Variants in SUGCT observed in about 807,000 individuals in gnomAD.
SUGCT encodes the protein succinyl-CoA:glutarate CoA-transferase.
Under a neutral mutation model 55.0 loss-of-function variants are expected in SUGCT, and 41 were observed. The observed-to-expected ratio is 0.74, with a 90% CI of 0.58 to 0.97. SUGCT has a LOEUF of 0.97. Among genes scored for constraint, SUGCT ranks in the 50% least tolerant of loss-of-function variants. The pLI is 0.00. For synonymous variants in SUGCT, 187 were observed against 200.4 expected, an observed-to-expected ratio of 0.93 and a Z score of 0.56; for missense variants, 568 against 547.8, an observed-to-expected ratio of 1.04 and a Z score of -0.37.
intron 7 of SUGCT, among the ~76,000 whole-genome samples, chr7:40,242,946 T>TA (rs1789550231): frequency 1.2e-5 from 1 of 84,536 alleles, no homozygotes. Context: ...TTTTTTTTTT[T>TA]TTTTTTTTTT....
chr7:40,484,134 G>A (rs1791204325), intron 11 of SUGCT, among the ~76,000 whole-genome samples: 1 of 152,180 alleles, frequency 6.6e-6, no homozygotes, highest in East Asian at 1.9e-4. Context: ...AAGATTAAAT[G>A]TCAGACTTAT....
At chr7:40,928,188 C>T in the SUGCT span, among the ~76,000 whole-genome samples, 39 of 151,860 alleles carry the variant, frequency 2.6e-4, no homozygotes, top group South Asian at 3.3e-3. Flanking sequence ...GTACATTTTC[C>T]CTATAAAAAC....
chr7:40,349,990 T>C (rs965130142), intron 9 of SUGCT, among the ~76,000 whole-genome samples: 1 of 152,176 alleles, frequency 6.6e-6, no homozygotes, highest in African/African-American at 2.4e-5. Flanking sequence ...ACCCAGCTTT[T>C]CCTATATTTT....
intron 11 of SUGCT, among the ~76,000 whole-genome samples, chr7:40,474,795 C>T (rs997527835): frequency 9.9e-5 from 15 of 152,170 alleles, no homozygotes; most frequent in African/African-American, 3.6e-4. Flanking sequence ...AGTTATGTGA[C>T]TTCTGTGTTT....
chr7:41,001,586 T>A, the SUGCT span, among the ~76,000 whole-genome samples: 1 of 152,122 alleles, frequency 6.6e-6, no homozygotes, highest in African/African-American at 2.4e-5. Flanking sequence ...AAGTCCAACA[T>A]CAGGATGCTG....
At chr7:40,157,571 C>T (rs1040430062) in intron 1 of SUGCT, among the ~76,000 whole-genome samples, 2 of 152,180 alleles carry the variant, frequency 1.3e-5, no homozygotes, top group African/African-American at 4.8e-5. Context: ...ATGTAAAATA[C>T]TTCTTAGGAG....
intron 11 of SUGCT, among the ~76,000 whole-genome samples, chr7:40,478,239 C>A (rs183783072): frequency 1.4e-4 from 21 of 152,222 alleles, no homozygotes; most frequent in African/African-American, 4.8e-4. Context: ...CTCCTGGCCT[C>A]AAGTGATCTT....
intron 6 of SUGCT, among the ~76,000 whole-genome samples, chr7:40,200,023 A>G (rs796207087): frequency 1.2e-4 from 19 of 152,314 alleles, no homozygotes; most frequent in African/African-American, 4.3e-4. Flanking sequence ...GGAAGAGAGA[A>G]CCACAGAATT....
At chr7:40,333,015 T>C (rs1476265252) in intron 9 of SUGCT, among the ~76,000 whole-genome samples, 3 of 152,188 alleles carry the variant, frequency 2.0e-5, no homozygotes, top group Non-Finnish European at 2.9e-5. Flanking sequence ...CAAGTATTTA[T>C]ATGCATATTA....
intron 12 of SUGCT, among the ~76,000 whole-genome samples, chr7:40,584,465 T>C (rs995751190): frequency 4.6e-5 from 7 of 152,152 alleles, no homozygotes; most frequent in African/African-American, 1.7e-4. Flanking sequence ...AGAAGTGAAG[T>C]TGGAAAATCC....
At chr7:40,932,010 A>G in the SUGCT span, among the ~76,000 whole-genome samples, 14 of 151,862 alleles carry the variant, frequency 9.2e-5, no homozygotes, top group Non-Finnish European at 2.1e-4. Context: ...TTTTCATTGT[A>G]ATGTTAGGAT....
At chr7:40,575,762 A>G (rs1329316861) in intron 12 of SUGCT, among the ~76,000 whole-genome samples, 3 of 151,958 alleles carry the variant, frequency 2.0e-5, no homozygotes, top group Non-Finnish European at 4.4e-5. Context: ...CCTGGCCAAC[A>G]TAGTGAAACC....
chr7:40,693,394 C>T (rs190550395), intron 12 of SUGCT, among the ~76,000 whole-genome samples: 9 of 152,278 alleles, frequency 5.9e-5, no homozygotes, highest in Admixed American at 4.6e-4. Context: ...GGTGCTATTC[C>T]AAATGCTTTA....
chr7:40,624,770 CAA>C (rs1799437685), intron 12 of SUGCT, among the ~76,000 whole-genome samples: 2 of 83,992 alleles, frequency 2.4e-5, no homozygotes, highest in South Asian at 6.0e-4. Flanking sequence ...CGTTTCTGTG[CAA>C]ACACACACAC....
At chr7:40,544,836 TGTTC>T (rs1794903744) in intron 12 of SUGCT, among the ~76,000 whole-genome samples, 1 of 152,196 alleles carries the variant, frequency 6.6e-6, no homozygotes. Flanking sequence ...GAACACATGG[TGTTC>T]GTTATTCAAT....
intron 12 of SUGCT, among the ~76,000 whole-genome samples, chr7:40,610,209 T>C (rs1441879551): frequency 6.6e-6 from 1 of 152,216 alleles, no homozygotes; most frequent in Non-Finnish European, 1.5e-5. Flanking sequence ...AAAACCTTCA[T>C]GTAGCATCCG....
intron 7 of SUGCT, among the ~76,000 whole-genome samples, chr7:40,249,384 CATATA>C (rs1382529371): frequency 1.2e-3 from 140 of 120,338 alleles, no homozygotes; most frequent in African/African-American, 4.1e-3. Flanking sequence ...ACAAATATTA[CATATA>C]ATATAATAAA....
chr7:40,589,478 G>T (rs553765138), intron 12 of SUGCT, among the ~76,000 whole-genome samples: 2 of 152,230 alleles, frequency 1.3e-5, no homozygotes, highest in East Asian at 3.9e-4. Flanking sequence ...CATGGTAAAG[G>T]ACCAGAAGAG....
intron 12 of SUGCT, among the ~76,000 whole-genome samples, chr7:40,600,534 T>C (rs984077163): frequency 6.6e-6 from 1 of 152,220 alleles, no homozygotes; most frequent in Non-Finnish European, 1.5e-5. Flanking sequence ...GGGGATATAA[T>C]TGTAACAAGT....
Sources: gnomAD v4.1 joint callset for allele counts (sites outside exome capture counted in the v4.1 genomes callset) on GRCh38, gnomAD v4.1.1 for gene constraint, MANE v1.5 for transcripts, NCBI Gene and HGNC (gene_info 2026-07-23, HGNC 2026-07-21) for gene names.